Variants in RFX3 observed in about 807,000 individuals in gnomAD.
RFX3 encodes regulatory factor X3, also known as transcription factor RFX3.
RFX3 carries 14 observed loss-of-function variants against 98.6 expected under a neutral mutation model. The ratio of observed to expected loss-of-function variants is 0.14; its 90% CI spans 0.09 to 0.22. The LOEUF (loss-of-function observed/expected upper bound fraction) is 0.22. RFX3 is among the 10% of genes least tolerant of loss of function. The pLI, the probability that RFX3 is intolerant of heterozygous loss-of-function variation, is 1.00. For missense variants in RFX3, 639 were observed against 926.9 expected, an observed-to-expected ratio of 0.69 and a Z score of 4.03; for synonymous variants, 383 against 328.4, an observed-to-expected ratio of 1.17 and a Z score of -1.80.
chr9:3,274,045 G>A (rs1474468870), intron 9 of RFX3, among the ~76,000 whole-genome samples: 1 of 152,100 alleles, frequency 6.6e-6, no homozygotes, highest in African/African-American at 2.4e-5. Flanking sequence ...TCTCTAATAT[G>A]GGTAAAAGCA....
chr9:3,272,384 T>C (rs144251044), intron 9 of RFX3, among the ~76,000 whole-genome samples: 75 of 152,314 alleles, frequency 4.9e-4, no homozygotes, highest in African/African-American at 1.7e-3. Flanking sequence ...TTTGTTGAGT[T>C]TGGGCCACCT....
intron 4 of RFX3, among the ~76,000 whole-genome samples, chr9:3,321,729 T>C (rs1831344150): frequency 1.3e-5 from 2 of 152,174 alleles, no homozygotes; most frequent in Admixed American, 6.5e-5. Context: ...ATTTTTCTTA[T>C]AGCTTCTGGA....
intron 3 of RFX3, among the ~76,000 whole-genome samples, chr9:3,341,011 C>G (rs990868372): frequency 6.6e-6 from 1 of 152,152 alleles, no homozygotes; most frequent in African/African-American, 2.4e-5. Context: ...ACCCAATTGT[C>G]CAACAACAAT....
intron 1 of RFX3, among the ~76,000 whole-genome samples, chr9:3,516,973 G>A (rs747162543): frequency 4.6e-5 from 7 of 152,200 alleles, no homozygotes; most frequent in Non-Finnish European, 1.0e-4. Context: ...TTGAAATGGT[G>A]GAACCTTCTG....
intron 1 of RFX3, among the ~76,000 whole-genome samples, chr9:3,519,120 G>A (rs577861597): frequency 1.1e-4 from 16 of 152,278 alleles, no homozygotes; most frequent in South Asian, 2.1e-4. Context: ...GACAATGGGA[G>A]TATAACAGAT....
chr9:3,270,930 AC>A (rs1436121587), intron 10 of RFX3, 72 bp downstream of exon 10: 3 of 1,603,734 alleles, frequency 1.9e-6, no homozygotes, highest in Non-Finnish European at 2.6e-6. Context: ...CAACTGGTAT[AC>A]ATATCTCTAA....
At chr9:3,390,654 TAGTC>T (rs1386367538) in intron 2 of RFX3, among the ~76,000 whole-genome samples, 1 of 152,174 alleles carries the variant, frequency 6.6e-6, no homozygotes, top group Non-Finnish European at 1.5e-5. Flanking sequence ...GGTCTCGTGA[TAGTC>T]AGTAATTCTT....
At chr9:3,480,460 C>A (rs1849648174) in intron 1 of RFX3, among the ~76,000 whole-genome samples, 1 of 152,158 alleles carries the variant, frequency 6.6e-6, no homozygotes, top group African/African-American at 2.4e-5. Context: ...TTTGTTAAAA[C>A]AAGCTACAGG....
intron 1 of RFX3, among the ~76,000 whole-genome samples, chr9:3,496,604 GC>G (rs1851125989): frequency 6.6e-6 from 1 of 151,830 alleles, no homozygotes; most frequent in Non-Finnish European, 1.5e-5. Flanking sequence ...ATCACGTTAA[GC>G]TCTCTCTATA....
At chr9:3,247,124 A>C in intron 15 of RFX3, 4 of 985,386 alleles carry the variant, frequency 4.1e-6, no homozygotes, top group Non-Finnish European at 4.8e-6. Context: ...GTAATTTGTC[A>C]CATTTAATAA....
chr9:3,273,156 T>G (rs1824723340), intron 9 of RFX3, among the ~76,000 whole-genome samples: 3 of 152,146 alleles, frequency 2.0e-5, no homozygotes, highest in Admixed American at 1.3e-4. Context: ...TCTACTGGCT[T>G]AGGGCAAATG....
Position 3,423,805 on chromosome 9 carries a change from A to ATC in RFX3, c.-8-28210_-8-28209insGA, listed in dbSNP as rs1166783968. ...TATATATATATATATATATATATAT[A>ATC]TATATATCTTAAGGTAATTTTTAAA... is the stretch of plus-strand genomic sequence containing the variant. On this transcript the variant is annotated intron_variant, in intron 1 of 16. Transcript: ENST00000617270. Among the ~76,000 whole-genome samples the ATC allele has an allele frequency of 5.8e-5, 8 of 138,660 alleles. No homozygotes were observed. In the South Asian group the frequency reaches 1.3e-3, roughly 23 times the overall value. The allele number at this position is 138,660 out of a possible 152,430, so 91.0% of individuals were successfully genotyped here.
intron 7 of RFX3, among the ~76,000 whole-genome samples, chr9:3,286,069 G>C (rs1826556107): frequency 6.6e-6 from 1 of 151,664 alleles, no homozygotes; most frequent in Non-Finnish European, 1.5e-5. Flanking sequence ...AACTGTCTTA[G>C]GTATAATTTA....
chr9:3,499,779 T>C (rs537618678), intron 1 of RFX3, among the ~76,000 whole-genome samples: 220 of 152,254 alleles, frequency 1.4e-3, no homozygotes, highest in African/African-American at 5.2e-3. Flanking sequence ...AAAATAATAA[T>C]CATCTTAACT....
chr9:3,453,895 CG>C lies in RFX3; in HGVS notation c.-8-58300del, dbSNP rs377334825. Among the ~76,000 whole-genome samples, 120 of 151,916 alleles carry C rather than the reference CG, an allele frequency of 7.9e-4. 3 individuals carry two copies. In the South Asian group the frequency reaches 0.025, roughly 31 times the overall value. ...TTTAAATATATTTTTAAATATACCC[CG>C]GTCTTTTTGCTTTAGTTCACTGTAA... On this transcript the variant is annotated intron_variant, in intron 1 of 16. Transcript: ENST00000617270.
chr9:3,327,858 T>C (rs1325697546), intron 4 of RFX3, among the ~76,000 whole-genome samples: 3 of 151,376 alleles, frequency 2.0e-5, no homozygotes, highest in Non-Finnish European at 4.4e-5. Context: ...CTTTCATACA[T>C]ACATACCTAC....
chr9:3,512,183 G>C (rs552805891), intron 1 of RFX3, among the ~76,000 whole-genome samples: 3 of 151,912 alleles, frequency 2.0e-5, no homozygotes, highest in South Asian at 2.1e-4. Context: ...ATTTTTTCAA[G>C]TATACATTGA....
intron 2 of RFX3, among the ~76,000 whole-genome samples, chr9:3,349,424 T>C (rs1834819977): frequency 6.6e-6 from 1 of 152,092 alleles, no homozygotes; most frequent in African/African-American, 2.4e-5. Flanking sequence ...TAATTTTCTT[T>C]TTAATTTTAG....
chr9:3,291,425 C>G (rs1419866057), intron 6 of RFX3, among the ~76,000 whole-genome samples: 1 of 142,888 alleles, frequency 7.0e-6, no homozygotes, highest in African/African-American at 2.6e-5. Context: ...CAAAACAAAA[C>G]AAAACAAAAC....
Sources: allele counts gnomAD v4.1 joint callset (sites outside exome capture counted in the v4.1 genomes callset), GRCh38; gene constraint gnomAD v4.1.1; transcripts MANE v1.5; gene names NCBI Gene and HGNC (gene_info 2026-07-23, HGNC 2026-07-21).